PDZD2: variants seen among roughly 807,000 people sequenced by gnomAD.
PDZD2 encodes PDZ domain containing 2.
PDZD2 carries 90 observed loss-of-function variants against 220.7 expected under a neutral mutation model. The observed-to-expected ratio is 0.41, with a 90% CI of 0.34 to 0.49. The LOEUF is 0.49. Ranked by LOEUF, PDZD2 falls within the 20% of genes least tolerant of loss-of-function variation. The pLI is 0.28. For missense variants in PDZD2, 3,174 were observed against 3,608.5 expected (o/e 0.88, Z 3.08); for synonymous variants, 1,375 against 1,450.5 (o/e 0.95, Z 1.18).
At chr5:31,964,782 C>A (rs1561207072) in intron 2 of PDZD2, among the ~76,000 whole-genome samples, 1 of 152,224 alleles carries the variant, frequency 6.6e-6, no homozygotes, top group Non-Finnish European at 1.5e-5. Context: ...GCGGCGCGAT[C>A]TCGGCTCACT....
At chr5:32,060,217 A>G (rs908180093) in intron 13 of PDZD2, among the ~76,000 whole-genome samples, 15 of 152,102 alleles carry the variant, frequency 9.9e-5, no homozygotes, top group African/African-American at 3.1e-4. Flanking sequence ...ACATTAAAGA[A>G]AATATACTTT....
chr5:32,075,801 CAT>C (rs1489278083), intron 18 of PDZD2, among the ~76,000 whole-genome samples: 1 of 152,106 alleles, frequency 6.6e-6, no homozygotes, highest in African/African-American at 2.4e-5. Context: ...TTTATATAAA[CAT>C]ATATGTCAAT....
At chr5:31,711,750 C>T (rs1326469782) in intron 1 of PDZD2, among the ~76,000 whole-genome samples, 1 of 152,116 alleles carries the variant, frequency 6.6e-6, no homozygotes, top group African/African-American at 2.4e-5. Context: ...AGCCCCTCCC[C>T]GATCCACGAT....
chr5:31,775,620 G>A (rs536476340), intron 1 of PDZD2, among the ~76,000 whole-genome samples: 35 of 152,002 alleles, frequency 2.3e-4, no homozygotes, highest in Middle Eastern at 3.4e-3. Context: ...GGAGCTTTGG[G>A]AAATTGGAAG....
intron 2 of PDZD2, among the ~76,000 whole-genome samples, chr5:31,802,852 G>A (rs370474926): frequency 1.9e-4 from 29 of 150,300 alleles, no homozygotes; most frequent in African/African-American, 6.4e-4. Context: ...CCCAGGAGGC[G>A]GAGCTTGCAG....
chr5:32,069,033 C>T (rs1349960063), intron 14 of PDZD2, among the ~76,000 whole-genome samples: 1 of 152,102 alleles, frequency 6.6e-6, no homozygotes. Context: ...TTTGGGGGGC[C>T]GAGGTGGGTG....
At chr5:31,850,421 T>C (rs958008058) in intron 2 of PDZD2, among the ~76,000 whole-genome samples, 2 of 151,434 alleles carry the variant, frequency 1.3e-5, no homozygotes, top group African/African-American at 4.9e-5. Flanking sequence ...GGATCTTTAC[T>C]CCCACATATG....
intron 2 of PDZD2, chr5:31,936,330 A>C: frequency 1.0e-6 from 1 of 987,508 alleles, no homozygotes; most frequent in African/African-American, 1.7e-5. Context: ...CGCTCACCTG[A>C]CCAGCTCATA....
At chr5:31,944,172 C>T (rs1316764645) in intron 2 of PDZD2, among the ~76,000 whole-genome samples, 4 of 152,138 alleles carry the variant, frequency 2.6e-5, no homozygotes, top group Admixed American at 1.3e-4. Flanking sequence ...GCATTTTATA[C>T]ATTTAAAATA....
chr5:31,817,669 C>A (rs1461437907), intron 2 of PDZD2, among the ~76,000 whole-genome samples: 2 of 150,806 alleles, frequency 1.3e-5, no homozygotes, highest in Admixed American at 6.6e-5. Flanking sequence ...ATCTATCTAT[C>A]TATATATTTT....
In PDZD2 at chr5:31,699,436, C is replaced by T. The variant is rs577705184; in HGVS notation, c.-361+59999C>T. On this transcript the variant is annotated intron_variant, in intron 1 of 24. Transcript: ENST00000438447. Reference sequence around the variant, plus strand: ...AGAGGCAAAGACATGGTCTGGGGAGCTCAGAAGTGCCAGATTAGAAAGGAG... The same window carrying T: ...AGAGGCAAAGACATGGTCTGGGGAGTTCAGAAGTGCCAGATTAGAAAGGAG... Among the ~76,000 whole-genome samples the T allele has an allele frequency of 5.9e-5, 9 of 152,084 alleles. No homozygotes were observed. In the East Asian group the frequency reaches 7.8e-4, roughly 13 times the overall value.
chr5:31,900,892 A>T (rs1334293368), intron 2 of PDZD2, among the ~76,000 whole-genome samples: 1 of 152,054 alleles, frequency 6.6e-6, no homozygotes, highest in African/African-American at 2.4e-5. Context: ...AAAATGCTTA[A>T]AGGATTTTGC....
chr5:31,850,219 T>C (rs1355825176), intron 2 of PDZD2, among the ~76,000 whole-genome samples: 2 of 81,344 alleles, frequency 2.5e-5, no homozygotes, highest in African/African-American at 8.8e-5. Context: ...TATGTGTATA[T>C]ATATAAGTAT....
rs35709661 is a variant in PDZD2 at position 32,062,393 on chromosome 5, A to ATT, written c.2451+1276_2451+1277dup. Among the ~76,000 whole-genome samples the ATT allele has an allele frequency of 6.5e-3, 917 of 141,274 alleles. 9 individuals carry two copies. The highest frequency in any genetic ancestry group is 0.013 in the African/African-American group (493 of 38,096). 92.7% of individuals were successfully genotyped at this position (141,274 alleles called of 152,430 possible). ...TGATAGATCAAGTCCTCAAGACTAA[A>ATT]TTTTTTTTTTTTTTTTTTGAGACAG... On this transcript the variant is annotated intron_variant, in intron 14 of 24. Transcript: ENST00000438447.
At chr5:31,878,078 T>A (rs2150332119) in intron 2 of PDZD2, among the ~76,000 whole-genome samples, 1 of 152,266 alleles carries the variant, frequency 6.6e-6, no homozygotes, top group South Asian at 2.1e-4. Flanking sequence ...AATGCAGAGA[T>A]TTGAAGTGGT....
In PDZD2 at chr5:32,087,779, C is replaced by T; in HGVS notation, c.4331C>T (p.Ser1444Phe). ...GCTTCTGCAGCAAGGTCTCCGTCTT[C>T]CCAGACGGGGGACAGTGGCTCTCAG... is the stretch of plus-strand genomic sequence containing the variant. ...LDASAARSPS[S>F]QTGDSGSQEG... The change falls in exon 20 of 25, where the codon TCC (serine) becomes TTC (phenylalanine). Residue 1444 changes from serine to phenylalanine, a missense_variant. Ser to Phe is a radical substitution (Grantham distance 155). Coordinates refer to ENST00000438447, the MANE Select transcript of PDZD2 (RefSeq NM_178140.4). This position sits in a 1 kb window ranked among gnomAD's most constrained non-coding sequence, Gnocchi z 4.0. 6.2e-7 allele frequency: 1 copy of T among 1,613,860 alleles called. No individual in the cohort carries two copies. Among genetic ancestry groups the T allele is most frequent in the Non-Finnish European group, 8.5e-7 (1 of 1,179,902 alleles).
rs1484191756 is a variant in PDZD2 at position 32,066,446 on chromosome 5, A to G, written c.2452-3123A>G. ...GTCACCTCCCATTTTTCTCCTTTCT[A>G]TTCTGTGGTTCTGACATCTTCACTT... is the stretch of plus-strand genomic sequence containing the variant. On this transcript the variant is annotated intron_variant, in intron 14 of 24. Coordinates refer to ENST00000438447, the MANE Select transcript of PDZD2 (RefSeq NM_178140.4). 5.3e-5 allele frequency among the ~76,000 whole-genome samples: 8 copies of G among 152,084 alleles called. 1 individual carries two copies. Among genetic ancestry groups the G allele is most frequent in the Middle Eastern group, 6.8e-3 (2 of 294 alleles).
At chr5:31,954,980 C>T (rs1187881089) in intron 2 of PDZD2, among the ~76,000 whole-genome samples, 1 of 152,076 alleles carries the variant, frequency 6.6e-6, no homozygotes, top group Non-Finnish European at 1.5e-5. Context: ...AGTTTTCTCT[C>T]AAGTGCCAAA....
At chr5:31,923,169 C>T (rs543045298) in intron 2 of PDZD2, among the ~76,000 whole-genome samples, 32 of 152,210 alleles carry the variant, frequency 2.1e-4, no homozygotes, top group African/African-American at 7.0e-4. Flanking sequence ...GTGGTGGGCA[C>T]CTGTAATCCC....
Sources: allele counts gnomAD v4.1 joint callset (sites outside exome capture counted in the v4.1 genomes callset), GRCh38; gene constraint gnomAD v4.1.1; non-coding constraint Gnocchi (gnomAD v3.1); transcripts MANE v1.5; gene names NCBI Gene and HGNC (gene_info 2026-07-23, HGNC 2026-07-21).